NRG3: variants seen among roughly 807,000 people sequenced by gnomAD.
NRG3 encodes the protein pro-neuregulin-3, membrane-bound isoform.
A neutral mutation model predicts 66.9 loss-of-function variants in NRG3; 31 were observed. The observed-to-expected ratio is 0.46, with a 90% CI of 0.35 to 0.63. NRG3 has a LOEUF of 0.63. NRG3 is among the 20% of genes least tolerant of loss of function. The pLI is 0.00. For synonymous variants in NRG3, 393 were observed against 359.4 expected (o/e 1.09, Z -1.06); for missense variants, 910 against 878.9 (o/e 1.04, Z -0.45).
chr10:82,555,575 C>G (rs1262368038), intron 2 of NRG3, among the ~76,000 whole-genome samples: 1 of 152,158 alleles, frequency 6.6e-6, no homozygotes, highest in Non-Finnish European at 1.5e-5. Flanking sequence ...ATGGAAACTT[C>G]CTCATCCTCC....
Position 82,885,863 on chromosome 10 carries a change from A to ATT in NRG3, c.1054+20436_1054+20437dup, listed in dbSNP as rs558501082. Among the ~76,000 whole-genome samples, 377 of 142,970 alleles carry ATT rather than the reference A, an allele frequency of 2.6e-3. 1 individual carries two copies. The highest frequency in any genetic ancestry group is 7.9e-3 in the African/African-American group (310 of 39,016). 93.8% of individuals were successfully genotyped at this position (142,970 alleles called of 152,430 possible). On this transcript the variant is annotated intron_variant, in intron 4 of 8. Coordinates refer to ENST00000372141, the MANE Select transcript of NRG3 (RefSeq NM_001010848.4). ...AGGCGTGAGCCACCGCGCCTGGCCT[A>ATT]TTTTTTTTTTTGTATTATTATTTTT...
intron 1 of NRG3, among the ~76,000 whole-genome samples, chr10:82,218,361 A>AGGTT (rs2075784506): frequency 6.6e-6 from 1 of 152,200 alleles, no homozygotes; most frequent in Non-Finnish European, 1.5e-5. Context: ...CTCACAGGGA[A>AGGTT]CTAAAGGTTA....
At chr10:81,954,752 A>G (rs1849669286) in intron 1 of NRG3, among the ~76,000 whole-genome samples, 1 of 152,184 alleles carries the variant, frequency 6.6e-6, no homozygotes, top group Non-Finnish European at 1.5e-5. Context: ...ACAGGTTGTT[A>G]AAAATCAACA....
intron 1 of NRG3, among the ~76,000 whole-genome samples, chr10:82,229,597 A>C (rs1564688227): frequency 6.6e-6 from 1 of 152,214 alleles, no homozygotes; most frequent in Non-Finnish European, 1.5e-5. Flanking sequence ...CAATCATGGC[A>C]GAAGAGGAAA....
intron 2 of NRG3, among the ~76,000 whole-genome samples, chr10:82,479,501 G>GA (rs35318145): frequency 0.032 from 4,408 of 136,856 alleles, 83 homozygotes; most frequent in Non-Finnish European, 0.044. Flanking sequence ...GAGTTGGAGG[G>GA]AAAAAAAAAA....
chr10:82,104,410 TG>T (rs1564566728), intron 1 of NRG3, among the ~76,000 whole-genome samples: 1 of 151,896 alleles, frequency 6.6e-6, no homozygotes, highest in African/African-American at 2.4e-5. Context: ...GAAAAGAGAG[TG>T]GGATACAAAA....
At chr10:82,822,672 T>C (rs1251946582) in intron 3 of NRG3, among the ~76,000 whole-genome samples, 1 of 151,908 alleles carries the variant, frequency 6.6e-6, no homozygotes, top group Non-Finnish European at 1.5e-5. Context: ...GTATGGGGCA[T>C]GGTTTGTAGG....
chr10:81,888,898 C>G (rs1309019575), intron 1 of NRG3, among the ~76,000 whole-genome samples: 1 of 152,148 alleles, frequency 6.6e-6, no homozygotes, highest in Non-Finnish European at 1.5e-5. Flanking sequence ...TAAAGATTCT[C>G]TAAGGCTAAC....
chr10:82,262,874 A>G (rs1362777680), intron 1 of NRG3, among the ~76,000 whole-genome samples: 1 of 152,132 alleles, frequency 6.6e-6, no homozygotes, highest in African/African-American at 2.4e-5. Flanking sequence ...TGTCCAAAGT[A>G]TTCACCTAGG....
intron 1 of NRG3, among the ~76,000 whole-genome samples, chr10:82,088,985 A>T (rs769041594): frequency 3.9e-5 from 6 of 152,046 alleles, no homozygotes; most frequent in Non-Finnish European, 7.4e-5. Flanking sequence ...AAAAACCAGC[A>T]GAGAAGATTT....
Position 82,051,506 on chromosome 10 carries a change from GGATGATCA to G in NRG3, c.823+175345_823+175352del, listed in dbSNP as rs533398328. ...CCCAGCACAGGCTCAGCATCATCAT[GGATGATCA>G]GCTCATAGTCCTAGAACTGGCTGTG... On this transcript the variant is annotated intron_variant, in intron 1 of 8. Coordinates refer to ENST00000372141, the MANE Select transcript of NRG3 (RefSeq NM_001010848.4). 2.2e-3 allele frequency among the ~76,000 whole-genome samples: 331 copies of G among 152,190 alleles called. 1 individual carries two copies. Among genetic ancestry groups the G allele is most frequent in the African/African-American group, 7.3e-3 (305 of 41,512 alleles).
intron 1 of NRG3, among the ~76,000 whole-genome samples, chr10:82,053,716 A>G (rs1027134209): frequency 1.3e-5 from 2 of 152,202 alleles, no homozygotes; most frequent in African/African-American, 4.8e-5. Flanking sequence ...CTATAAAATC[A>G]TAAGTGAAAT....
At chr10:82,528,316 G>A (rs570915881) in intron 2 of NRG3, among the ~76,000 whole-genome samples, 1 of 152,242 alleles carries the variant, frequency 6.6e-6, no homozygotes, top group South Asian at 2.1e-4. Flanking sequence ...TCTAAATGGT[G>A]AAAATTGAGT....
chr10:82,848,453 C>T (rs1329909148), intron 3 of NRG3, among the ~76,000 whole-genome samples: 1 of 152,204 alleles, frequency 6.6e-6, no homozygotes, highest in Non-Finnish European at 1.5e-5. Context: ...CCTTTACCCA[C>T]ATTGTATCTA....
intron 1 of NRG3, among the ~76,000 whole-genome samples, chr10:81,963,369 G>A (rs2059603082): frequency 6.7e-6 from 1 of 150,216 alleles, no homozygotes; most frequent in South Asian, 2.1e-4. Context: ...TCCTGACCTC[G>A]TGATCCGCCC....
intron 8 of NRG3, among the ~76,000 whole-genome samples, chr10:82,979,851 C>T (rs1291915387): frequency 1.3e-5 from 2 of 152,168 alleles, no homozygotes; most frequent in African/African-American, 2.4e-5. Flanking sequence ...CTGCTCCTTA[C>T]TACTAGTGTG....
intron 2 of NRG3, among the ~76,000 whole-genome samples, chr10:82,426,102 C>T (rs1937977): frequency 0.22 from 32,964 of 152,016 alleles, 5,240 homozygotes; most frequent in African/African-American, 0.45. Flanking sequence ...TCTAGCCTTT[C>T]GGCTCAGGTA....
At chr10:82,232,062 A>G (rs1236469098) in intron 1 of NRG3, among the ~76,000 whole-genome samples, 1 of 152,104 alleles carries the variant, frequency 6.6e-6, no homozygotes, top group Non-Finnish European at 1.5e-5. Context: ...GCAAATTACT[A>G]TGGTAGGTCT....
intron 2 of NRG3, among the ~76,000 whole-genome samples, chr10:82,447,738 T>C (rs1176691450): frequency 6.6e-6 from 1 of 152,234 alleles, no homozygotes; most frequent in Non-Finnish European, 1.5e-5. Context: ...TACTGAACTT[T>C]GGAGGTGTTC....
Sources: gnomAD v4.1 joint callset for allele counts (sites outside exome capture counted in the v4.1 genomes callset) on GRCh38, gnomAD v4.1.1 for gene constraint, MANE v1.5 for transcripts, NCBI Gene and HGNC (gene_info 2026-07-23, HGNC 2026-07-21) for gene names.